Variants in LRRC27 observed in about 807,000 individuals in gnomAD.
The protein encoded by LRRC27 is leucine-rich repeat-containing protein 27.
A neutral mutation model predicts 55.0 loss-of-function variants in LRRC27; 57 were observed. The ratio of observed to expected loss-of-function variants is 1.04; its 90% CI spans 0.84 to 1.29. The LOEUF is 1.29. Among genes scored for constraint, LRRC27 ranks in the 50% most tolerant of loss-of-function variants. The pLI is 0.00. For missense variants in LRRC27, 721 were observed against 651.5 expected (o/e 1.11, Z -1.16); for synonymous variants, 278 against 251.9 (o/e 1.10, Z -0.98).
intron 6 of LRRC27, among the ~76,000 whole-genome samples, chr10:132,350,197 A>G (rs2067937522): frequency 6.6e-6 from 1 of 152,244 alleles, no homozygotes; most frequent in Non-Finnish European, 1.5e-5. Context: ...TGTAAAAATC[A>G]TAGGTAAATA....
chr10:132,351,443 TCAA>T, intron 6 of LRRC27, 161 bp from the exon 7 acceptor site: 1 of 767,350 alleles, frequency 1.3e-6, no homozygotes. Flanking sequence ...TGTCCTGAAA[TCAA>T]CAGTCAAGAC....
intron 8 of LRRC27, among the ~76,000 whole-genome samples, chr10:132,358,010 C>A (rs538221178): frequency 6.6e-6 from 1 of 152,196 alleles, no homozygotes; most frequent in African/African-American, 2.4e-5. Flanking sequence ...TCTGGGCCTG[C>A]GCTGGCCCAG....
chr10:132,349,278 G>A (rs986203219), intron 6 of LRRC27, among the ~76,000 whole-genome samples: 11 of 152,202 alleles, frequency 7.2e-5, no homozygotes, highest in Non-Finnish European at 1.2e-4. Flanking sequence ...TCCACGCAGC[G>A]TCCAGCACGA....
In LRRC27 at chr10:132,369,444, C is replaced by T. The variant is rs777540840; in HGVS notation, c.1416+3894C>T. Among the ~76,000 whole-genome samples, 7 of 152,118 alleles carry T rather than the reference C, an allele frequency of 4.6e-5. No homozygotes were observed. In the South Asian group the frequency reaches 8.3e-4, roughly 18 times the overall value. On this transcript the variant is annotated intron_variant, in intron 10 of 10. Transcript: ENST00000368614. ...TGCTTAGCACTGAAAGGAAATGAGC[C>T]GTCAGCAATGAGAAGACACGGGGGA...
At chr10:132,350,427 A>G (rs1359944745) in intron 6 of LRRC27, 1 of 152,318 alleles carries the variant, frequency 6.6e-6, no homozygotes, top group African/African-American at 2.4e-5. Flanking sequence ...TGCCCTTCCA[A>G]AAGCAGCAGG....
At chr10:132,331,699 G>A, upstream of LRRC27, 1 of 1,612,622 alleles carries the variant, frequency 6.2e-7, no homozygotes, top group Non-Finnish European at 8.5e-7. Context: ...AGCCCCGCCC[G>A]CCCCGGGCCC....
At chr10:132,331,284 ACAGAGGGTGCTACTTTTCATTAT>A (rs368497810), upstream of LRRC27, among the ~76,000 whole-genome samples, 6 of 150,252 alleles carry the variant, frequency 4.0e-5, no homozygotes, top group African/African-American at 1.5e-4. Context: ...TCTGGGTGGG[ACAGAGGGTGCTACTTTTCATTAT>A]CAGTTGGATC....
intron 2 of LRRC27, among the ~76,000 whole-genome samples, chr10:132,336,223 GGAA>G (rs2067123867): frequency 6.6e-6 from 1 of 152,160 alleles, no homozygotes; most frequent in Admixed American, 6.5e-5. Flanking sequence ...CCCTGGGGGG[GGAA>G]GAACAGGACC....
At position 132,375,165 on chromosome 10, in the gene LRRC27, C is replaced by G. The variant is rs2069317161; in HGVS notation, c.1516C>G (p.Leu506Val). The change falls in exon 11 of 11, where the codon CTG becomes GTG. Residue 506 changes from leucine to valine, a missense_variant. Physicochemically the swap from Leu to Val is conservative, Grantham distance 32 (BLOSUM62 1). Transcript: ENST00000368614. ...AALTGNLSLG[L>V]PAAQPQNTFF... ...CCTCACTGGAAACCTTTCGCTTGGC[C>G]TGCCGGCAGCACAGCCTCAAAATAC... 1 of 1,614,150 alleles carries G rather than the reference C, an allele frequency of 6.2e-7. No individual in the cohort carries two copies. Among genetic ancestry groups the G allele is most frequent in the Non-Finnish European group, 8.5e-7 (1 of 1,180,004 alleles).
intron 4 of LRRC27, among the ~76,000 whole-genome samples, chr10:132,343,988 G>A (rs1294954600): frequency 6.6e-6 from 1 of 152,190 alleles, no homozygotes; most frequent in African/African-American, 2.4e-5. Flanking sequence ...TTTCACATTT[G>A]TGGAGTCCTT....
At chr10:132,359,222 G>A (rs955394325) in intron 8 of LRRC27, among the ~76,000 whole-genome samples, 8 of 151,940 alleles carry the variant, frequency 5.3e-5, no homozygotes, top group South Asian at 4.1e-4. Context: ...CCAGCTGCTC[G>A]GAAGGCATCC....
At chr10:132,371,973 C>G (rs771747903) in intron 10 of LRRC27, among the ~76,000 whole-genome samples, 2 of 152,216 alleles carry the variant, frequency 1.3e-5, no homozygotes, top group Non-Finnish European at 2.9e-5. Context: ...GAGGCCAGCA[C>G]GATTTTGCAC....
chr10:132,341,430 A>G (rs2067409817), intron 3 of LRRC27, among the ~76,000 whole-genome samples: 1 of 152,242 alleles, frequency 6.6e-6, no homozygotes, highest in African/African-American at 2.4e-5. Flanking sequence ...CAAGAAGCAT[A>G]GTACAATAAA....
intron 7 of LRRC27, chr10:132,353,529 A>G (rs1432248044): frequency 1.5e-6 from 1 of 665,014 alleles, no homozygotes; most frequent in African/African-American, 2.0e-5. Context: ...TTTTTCATTA[A>G]AAAGATGAAT....
chr10:132,346,408 G>A (rs191984630), intron 5 of LRRC27, among the ~76,000 whole-genome samples: 12 of 152,328 alleles, frequency 7.9e-5, no homozygotes, highest in African/African-American at 2.6e-4. Context: ...CGGGCGTGGT[G>A]GCTCACGCCT....
chr10:132,347,702 T>C (rs563022028), intron 5 of LRRC27, among the ~76,000 whole-genome samples: 1 of 150,272 alleles, frequency 6.7e-6, no homozygotes, highest in South Asian at 2.1e-4. Flanking sequence ...GCGGGGAGGG[T>C]CAGGTGCGCC....
chr10:132,330,669 AGC>A (rs1251238353), upstream of LRRC27, among the ~76,000 whole-genome samples: 1 of 111,816 alleles, frequency 8.9e-6, no homozygotes, highest in Non-Finnish European at 1.8e-5. Context: ...CACCACACCC[AGC>A]ATTTTTTTTT....
chr10:132,345,506 T>C (rs1220297784), intron 5 of LRRC27, among the ~76,000 whole-genome samples: 1 of 152,240 alleles, frequency 6.6e-6, no homozygotes, highest in East Asian at 1.9e-4. Context: ...TGTAGACATA[T>C]TTTAACCAGG....
At chr10:132,332,773 T>A (rs1236725807) in intron 1 of LRRC27, among the ~76,000 whole-genome samples, 1 of 152,064 alleles carries the variant, frequency 6.6e-6, no homozygotes, top group East Asian at 1.9e-4. Context: ...CTAACTGATC[T>A]GCGCCTCATA....
Sources: allele counts gnomAD v4.1 joint callset (sites outside exome capture counted in the v4.1 genomes callset), GRCh38; gene constraint gnomAD v4.1.1; transcripts MANE v1.5; gene names NCBI Gene and HGNC (gene_info 2026-07-23, HGNC 2026-07-21).